The following PCDHA6 variants were observed in gnomAD, a reference collection of about 807,000 sequenced individuals.
The protein encoded by PCDHA6 is protocadherin alpha 6.
Under a neutral mutation model 60.3 loss-of-function variants are expected in PCDHA6, and 55 were observed. That is an observed-to-expected ratio of 0.91 (90% CI 0.73 to 1.14). The LOEUF is 1.14. PCDHA6 is among the 50% of genes most tolerant of loss of function. The pLI, the probability that PCDHA6 is intolerant of heterozygous loss-of-function variation, is 0.00. For missense variants in PCDHA6, 1,327 were observed against 1,256.5 expected (o/e 1.06, Z -0.85); for synonymous variants, 652 against 557.9 (o/e 1.17, Z -2.38).
rs782166832 is a variant in PCDHA6, at chr5:140,882,300, C to G, written c.2394+51815C>G. 1.4e-5 allele frequency: 22 copies of G among 1,613,604 alleles called. No individual in the cohort carries two copies. The East Asian group carries it at 4.5e-4, about 33-fold the overall frequency. The stretch of plus-strand genomic sequence containing the variant: ...TCTTCCTGGCAAGGAGGCCCAAGAC[C>G]GCGGCAACTACTGCTCTGGCTTCTG... On this transcript the variant is annotated intron_variant, in intron 1 of 3. Coordinates refer to ENST00000529310, the MANE Select transcript of PCDHA6 (RefSeq NM_018909.4).
chr5:140,902,290 A>G (rs1252691615), intron 1 of PCDHA6, among the ~76,000 whole-genome samples: 1 of 146,394 alleles, frequency 6.8e-6, no homozygotes, highest in Non-Finnish European at 1.5e-5. Context: ...CTCCTGCCTC[A>G]GCCTCCCAAA....
rs2150358522 is a variant in PCDHA6 at position 140,843,370 on chromosome 5, G to C, written c.2394+12885G>C. 44 of 1,595,972 alleles carry C rather than the reference G, an allele frequency of 2.8e-5. 4 individuals carry two copies. The highest frequency in any genetic ancestry group is 3.5e-5 in the Non-Finnish European group (41 of 1,165,612). ...CTCCAAAAGCGTCATCGAGGCAGTC[G>C]GCTGGCGTTTTGGGTCCGGAAGCGG... On this transcript the variant is annotated intron_variant, in intron 1 of 3. Transcript: ENST00000529310.
At chr5:140,876,843 G>A (rs1554169011) in intron 1 of PCDHA6, 3 of 1,614,128 alleles carry the variant, frequency 1.9e-6, no homozygotes, top group East Asian at 2.2e-5. Flanking sequence ...CGTTCGCGCA[G>A]CCCGAGTACA....
At chr5:140,870,836 A>C in intron 1 of PCDHA6, 1 of 1,613,796 alleles carries the variant, frequency 6.2e-7, no homozygotes, top group Non-Finnish European at 8.5e-7. Flanking sequence ...GCAGTTAACA[A>C]GCTAGTACCG....
chr5:140,857,818 G>T, intron 1 of PCDHA6: 1 of 1,597,774 alleles, frequency 6.3e-7, no homozygotes, highest in Non-Finnish European at 8.6e-7. Flanking sequence ...GTCACGTGGT[G>T]GCTAAGGTGC....
In PCDHA6 at chr5:140,829,997, G is replaced by A. The variant is rs2150179331; in HGVS notation, c.1906G>A (p.Val636Ile). 1 of 1,613,998 alleles carries A rather than the reference G, an allele frequency of 6.2e-7. No homozygotes were observed. The highest frequency in any genetic ancestry group is 8.5e-7 in the Non-Finnish European group (1 of 1,179,928). ...LYTGEISTTR[V>I]LDEADSPRHR... Reference sequence around the variant, plus strand: ...CACGGGCGAGATCAGCACCACTCGTGTCCTGGACGAAGCGGACTCTCCGCG... The same window carrying A: ...CACGGGCGAGATCAGCACCACTCGTATCCTGGACGAAGCGGACTCTCCGCG... The change falls in exon 1 of 4, where the codon GTC (valine) becomes ATC (isoleucine). Residue 636 changes from valine to isoleucine, a missense_variant. By Grantham distance (29) the Val-to-Ile change is conservative. Coordinates refer to ENST00000529310, the MANE Select transcript of PCDHA6 (RefSeq NM_018909.4).
chr5:140,945,715 A>G (rs145543790), intron 1 of PCDHA6, among the ~76,000 whole-genome samples: 3,564 of 152,270 alleles, frequency 0.023, 50 homozygotes, highest in Middle Eastern at 0.034. Context: ...AAAAGTATCA[A>G]GAATATACAA....
intron 1 of PCDHA6, chr5:140,877,489 G>A: frequency 6.2e-7 from 1 of 1,613,844 alleles, no homozygotes; most frequent in Non-Finnish European, 8.5e-7. Context: ...GGTGGAGAAC[G>A]GCCAGGCCCC....
chr5:140,841,116 T>G, intron 1 of PCDHA6: 1 of 615,478 alleles, frequency 1.6e-6, no homozygotes, highest in Admixed American at 3.3e-5. Context: ...GTAATTCATG[T>G]AATCATTACC....
intron 1 of PCDHA6, among the ~76,000 whole-genome samples, chr5:140,934,604 G>C (rs1389000917): frequency 6.6e-6 from 1 of 151,762 alleles, no homozygotes; most frequent in Non-Finnish European, 1.5e-5. Context: ...TCAACTATTT[G>C]ATTAGCCTGA....
chr5:140,976,494 G>A (rs1247242198), intron 1 of PCDHA6, among the ~76,000 whole-genome samples: 1 of 151,942 alleles, frequency 6.6e-6, no homozygotes, highest in Non-Finnish European at 1.5e-5. Context: ...GAGGTTGCAG[G>A]GAGCCAAGAT....
chr5:140,967,665 C>A, intron 1 of PCDHA6: 1 of 1,614,154 alleles, frequency 6.2e-7, no homozygotes, highest in Non-Finnish European at 8.5e-7. Context: ...AGCAGCTACA[C>A]GTCGGACCGG....
chr5:140,966,826 G>T, intron 1 of PCDHA6: 5 of 1,560,694 alleles, frequency 3.2e-6, no homozygotes, highest in Non-Finnish European at 4.3e-6. Context: ...GGCGGCCCAT[G>T]CCCTGGCTGC....
rs199571672 is a variant in PCDHA6 at position 140,994,794 on chromosome 5, T to C, written c.2542+12231T>C. On this transcript the variant is annotated intron_variant, in intron 3 of 3. Transcript: ENST00000529310. The stretch of plus-strand genomic sequence containing the variant: ...CCAGGCAAAGGAAACAATGCGTGCA[T>C]GCAAAAACAAAATACAAAAAACTGA... Among the ~76,000 whole-genome samples the C allele has an allele frequency of 7.2e-5, 11 of 152,270 alleles. No individual in the cohort carries two copies. The East Asian group carries it at 2.1e-3, about 29-fold the overall frequency.
In PCDHA6 at chr5:140,881,260, A is replaced by G. The variant is rs1223751140; in HGVS notation, c.2394+50775A>G. The G allele has an allele frequency of 7.6e-6, 4 of 528,232 alleles. No individual in the cohort carries two copies. In the African/African-American group the frequency reaches 8.2e-5, roughly 11 times the overall value. The allele number at this position is 528,232 out of a possible 1,614,324, so 32.7% of individuals were successfully genotyped here. On this transcript the variant is annotated intron_variant, in intron 1 of 3. Transcript: ENST00000529310. ...TTTAAATGACGGCAAGGTTTTACTC[A>G]GTGATGATGAAGTAAGATGGAGAGA... is the stretch of plus-strand genomic sequence containing the variant.
intron 1 of PCDHA6, chr5:140,882,822 G>A (rs782258212): frequency 6.2e-7 from 1 of 1,614,080 alleles, no homozygotes; most frequent in African/African-American, 1.3e-5. Flanking sequence ...GCACAAAACA[G>A]TCTTGAGCAA....
At chr5:140,927,793 C>A in intron 1 of PCDHA6, 1 of 1,614,180 alleles carries the variant, frequency 6.2e-7, no homozygotes, top group Non-Finnish European at 8.5e-7. Context: ...TTCACTAGGT[C>A]CGCCTGAAAC....
intron 1 of PCDHA6, chr5:140,869,346 T>G (rs781810947): frequency 4.3e-6 from 7 of 1,613,936 alleles, no homozygotes; most frequent in East Asian, 2.2e-5. Flanking sequence ...ATCTGCAGAA[T>G]GGCATTTTGT....
At chr5:140,966,695 C>A in intron 1 of PCDHA6, 1 of 1,358,486 alleles carries the variant, frequency 7.4e-7, no homozygotes, top group Non-Finnish European at 9.5e-7. Flanking sequence ...AGGCGGGGCC[C>A]GGGCGTGGGG....
Sources: allele counts gnomAD v4.1 joint callset (sites outside exome capture counted in the v4.1 genomes callset), GRCh38; gene constraint gnomAD v4.1.1; transcripts MANE v1.5; gene names NCBI Gene and HGNC (gene_info 2026-07-23, HGNC 2026-07-21).